Variants in POU2F2 observed in about 807,000 individuals in gnomAD.
POU2F2 encodes POU class 2 homeobox 2, also known as POU domain, class 2, transcription factor 2.
In POU2F2, 14 loss-of-function variants were observed where a neutral mutation model predicts 63.5. The observed-to-expected ratio is 0.22, with a 90% CI of 0.15 to 0.34. POU2F2 has a LOEUF of 0.34. Ranked by LOEUF, POU2F2 falls within the 10% of genes least tolerant of loss-of-function variation. The probability of loss-of-function intolerance (pLI) is 1.00; values close to 1 mark genes in which losing one functional copy is unlikely to be tolerated. For synonymous variants in POU2F2, 306 were observed against 348.6 expected, an observed-to-expected ratio of 0.88 and a Z score of 1.36; for missense variants, 607 against 815.2, an observed-to-expected ratio of 0.74 and a Z score of 3.11.
chr19:42,093,011 T>TATATA (rs2076787782), intron 12 of POU2F2, among the ~76,000 whole-genome samples: 10 of 92,982 alleles, frequency 1.1e-4, no homozygotes, highest in African/African-American at 4.7e-4. Context: ...ATATATATAT[T>TATATA]TTTTTTTTTT....
chr19:42,178,872 G>A (rs1449746384), upstream of POU2F2, among the ~76,000 whole-genome samples: 1 of 152,160 alleles, frequency 6.6e-6, no homozygotes, highest in Non-Finnish European at 1.5e-5. Context: ...GAGACCCAGA[G>A]AGTCAAAGTG....
chr19:42,163,027 A>G (rs373615815), intron 1 of POU2F2, among the ~76,000 whole-genome samples: 25 of 152,182 alleles, frequency 1.6e-4, no homozygotes, highest in African/African-American at 6.0e-4. Context: ...ATGGAGGCTC[A>G]GACAGGTAAA....
chr19:42,127,665 G>A (rs1249357131), intron 1 of POU2F2, among the ~76,000 whole-genome samples: 2 of 152,066 alleles, frequency 1.3e-5, no homozygotes, highest in Non-Finnish European at 2.9e-5. Flanking sequence ...ACAGGCGTGA[G>A]CCACCACGCC....
chr19:42,132,340 G>GCTGC, intron 1 of POU2F2, 44 bp downstream of exon 1: 1 of 1,584,930 alleles, frequency 6.3e-7, no homozygotes, highest in Non-Finnish European at 8.6e-7. Flanking sequence ...ACCTAAATGT[G>GCTGC]CTGCCTGTCC....
At chr19:42,099,894 A>C in intron 5 of POU2F2, 73 bp from the exon 6 acceptor site, 1 of 1,247,194 alleles carries the variant, frequency 8.0e-7, no homozygotes, top group Non-Finnish European at 1.1e-6. Flanking sequence ...CATCACCTGA[A>C]CCTTGAGGGG....
chr19:42,120,077 A>G (rs2032412211), intron 4 of POU2F2, among the ~76,000 whole-genome samples: 1 of 151,820 alleles, frequency 6.6e-6, no homozygotes, highest in South Asian at 2.1e-4. Flanking sequence ...CACCCAGCTA[A>G]TTTTTGTATT....
Position 42,096,067 on chromosome 19 carries a change from A to G in POU2F2, c.729+15T>C, listed in dbSNP as rs749139503. The G allele has an allele frequency of 3.6e-5, 58 of 1,612,844 alleles. No individual in the cohort carries two copies. The highest frequency in any genetic ancestry group is 4.9e-5 in the Non-Finnish European group (58 of 1,179,472). Reference sequence around the variant, plus strand: ...CCCCCACGCCCACCGCCCAGCCTGCAAGGTGCCTCCAGACCTGCGTGAAGC... The same window carrying G: ...CCCCCACGCCCACCGCCCAGCCTGCGAGGTGCCTCCAGACCTGCGTGAAGC... On this transcript the variant is annotated intron_variant, in intron 8 of 14. Coordinates refer to ENST00000692977, the MANE Select transcript of POU2F2 (RefSeq NM_001394376.1). The surrounding 1 kb of genome is among the most constrained non-coding windows in gnomAD (Gnocchi z 4.1).
intron 2 of POU2F2, among the ~76,000 whole-genome samples, chr19:42,146,957 C>G (rs926440492): frequency 3.2e-4 from 48 of 152,304 alleles, no homozygotes; most frequent in Admixed American, 2.6e-3. Flanking sequence ...TCCAGGCCAC[C>G]ACCACCTCTG....
In POU2F2 at chr19:42,092,987, GTATATA is replaced by G. The variant is rs56158047; in HGVS notation, c.1265-723_1265-718del. 1.6e-3 allele frequency among the ~76,000 whole-genome samples: 152 copies of G among 92,898 alleles called. 2 individuals carry two copies. The highest frequency in any genetic ancestry group is 7.4e-3 in the Middle Eastern group (1 of 136). 60.9% of individuals were successfully genotyped at this position (92,898 alleles called of 152,430 possible). ...ATGCATATATATATTATGTGTGTGT[GTATATA>G]TATATATATATATATATTTTTTTTT... On this transcript the variant is annotated intron_variant, in intron 12 of 14. Coordinates refer to ENST00000692977, the MANE Select transcript of POU2F2 (RefSeq NM_001394376.1). The surrounding 1 kb of genome is among the most constrained non-coding windows in gnomAD (Gnocchi z 5.0).
intron 1 of POU2F2, among the ~76,000 whole-genome samples, chr19:42,164,423 TAGCTAGGCGTGGCAGCAG>T (rs2034610241): frequency 6.6e-6 from 1 of 151,218 alleles, no homozygotes; most frequent in African/African-American, 2.4e-5. Flanking sequence ...CAAAAATAGT[TAGCTAGGCGTGGCAGCAG>T]ACACCTGTAA....
chr19:42,146,666 A>G (rs2146764002), intron 2 of POU2F2, among the ~76,000 whole-genome samples: 1 of 149,790 alleles, frequency 6.7e-6, no homozygotes, highest in South Asian at 2.1e-4. Context: ...AGGCCCCCCC[A>G]TTCACATCTG....
upstream of POU2F2, chr19:42,177,028 G>GGGCA (rs1295741930): frequency 6.6e-6 from 1 of 151,528 alleles, no homozygotes; most frequent in Non-Finnish European, 1.5e-5. Context: ...GCGGGCGGGC[G>GGGCA]GGCAGGGGCT....
chr19:42,101,195 G>C (rs1448978718), intron 5 of POU2F2, among the ~76,000 whole-genome samples: 1 of 152,158 alleles, frequency 6.6e-6, no homozygotes, highest in Non-Finnish European at 1.5e-5. Flanking sequence ...CCAGCAAATA[G>C]TGTAAATTAG....
chr19:42,165,896 G>A (rs1378923282), intron 1 of POU2F2, among the ~76,000 whole-genome samples: 2 of 152,218 alleles, frequency 1.3e-5, no homozygotes, highest in East Asian at 3.8e-4. Flanking sequence ...GGTAACCTGA[G>A]CAAATGAACA....
At chr19:42,137,979 G>A (rs2034051739) in intron 2 of POU2F2, among the ~76,000 whole-genome samples, 1 of 152,202 alleles carries the variant, frequency 6.6e-6, no homozygotes, top group Non-Finnish European at 1.5e-5. Context: ...GACGAGGTGT[G>A]AGGTGGAGAG....
chr19:42,132,484 T>C, upstream of POU2F2: 1 of 1,363,648 alleles, frequency 7.3e-7, no homozygotes, highest in Non-Finnish European at 9.6e-7. Context: ...GAGCCCTCCC[T>C]GCCGGAAGTC....
intron 1 of POU2F2, among the ~76,000 whole-genome samples, chr19:42,171,427 G>A (rs1308863801): frequency 6.9e-6 from 1 of 144,054 alleles, no homozygotes; most frequent in Non-Finnish European, 1.5e-5. Flanking sequence ...CAGGGGCTGC[G>A]CTTCGTGTGT....
At chr19:42,109,271 C>A (rs992751690) in intron 5 of POU2F2, among the ~76,000 whole-genome samples, 1 of 152,212 alleles carries the variant, frequency 6.6e-6, no homozygotes, top group African/African-American at 2.4e-5. Flanking sequence ...TGGCCTCTCG[C>A]GCCCCCATTA....
chr19:42,191,805 G>A (rs978846633), intron 1 of POU2F2, among the ~76,000 whole-genome samples: 1 of 152,166 alleles, frequency 6.6e-6, no homozygotes, highest in African/African-American at 2.4e-5. Flanking sequence ...ATTTTGAACT[G>A]GGTTGTGGTT....
Sources: gnomAD v4.1 joint callset for allele counts (sites outside exome capture counted in the v4.1 genomes callset) on GRCh38, gnomAD v4.1.1 for gene constraint, Gnocchi (gnomAD v3.1) non-coding constraint, MANE v1.5 for transcripts, NCBI Gene and HGNC (gene_info 2026-07-23, HGNC 2026-07-21) for gene names.